Variants in RREB1 observed in about 807,000 individuals in gnomAD.
RREB1 encodes the protein ras responsive element binding protein 1.
A neutral mutation model predicts 117.8 loss-of-function variants in RREB1; 27 were observed. The observed-to-expected ratio is 0.23, with a 90% CI of 0.17 to 0.32. The LOEUF is 0.32. Among genes scored for constraint, RREB1 ranks in the 10% least tolerant of loss-of-function variants. The pLI, the probability that RREB1 is intolerant of heterozygous loss-of-function variation, is 1.00. For synonymous variants in RREB1, 1,298 were observed against 1,026.7 expected, an observed-to-expected ratio of 1.26 and a Z score of -5.05; for missense variants, 2,577 against 2,378.2, an observed-to-expected ratio of 1.08 and a Z score of -1.74.
chr6:7,231,569 G>C lies in RREB1; in HGVS notation c.3470G>C (p.Arg1157Thr), dbSNP rs770163117. Residue 1157 changes from arginine to threonine, a missense_variant, in exon 10 of 13, where the codon AGG becomes ACG. Coordinates refer to ENST00000379938, the MANE Select transcript of RREB1 (RefSeq NM_001003699.4). ...ACGTCGAAGAAGAGGGGCCGGAAAAGGGGGATGAGGAGCCGACCCCGCGCC... is the reference window on the plus strand; with the variant it reads ...ACGTCGAAGAAGAGGGGCCGGAAAACGGGGATGAGGAGCCGACCCCGCGCC... ...AGTSKKRGRK[R>T]GMRSRPRANS... 2.5e-6 allele frequency: 4 copies of C among 1,611,360 alleles called. No individual in the cohort carries two copies. The highest frequency in any genetic ancestry group is 2.2e-5 in the South Asian group (2 of 90,966).
At chr6:7,246,400 C>T (rs1313527441) in intron 11 of RREB1, 24 bp from the exon 12 acceptor site, 1 of 1,458,032 alleles carries the variant, frequency 6.9e-7, no homozygotes, top group Non-Finnish European at 9.1e-7. Flanking sequence ...CCTCTGAGCC[C>T]TCCCCGCTGT....
Position 7,230,146 on chromosome 6 carries a change from A to G in RREB1, c.2047A>G (p.Lys683Glu). Residue 683 changes from lysine to glutamate, a missense_variant, in exon 10 of 13, where the codon AAG becomes GAG. Coordinates refer to ENST00000379938, the MANE Select transcript of RREB1 (RefSeq NM_001003699.4). Reference sequence around the variant, plus strand: ...CATCTGCGACTACATCGCCGCCGACAAGGCCGCGCTCATCCGCCACCTGCG... The same window carrying G: ...CATCTGCGACTACATCGCCGCCGACGAGGCCGCGCTCATCCGCCACCTGCG... ...CNICDYIAADKAALIRHLRTH... is the reference protein window; with the variant it reads ...CNICDYIAADEAALIRHLRTH... 2 of 1,605,264 alleles carry G rather than the reference A, an allele frequency of 1.2e-6. No homozygotes were observed. The highest frequency in any genetic ancestry group is 8.5e-7 in the Non-Finnish European group (1 of 1,178,094).
intron 1 of RREB1, among the ~76,000 whole-genome samples, chr6:7,135,217 T>C (rs921432384): frequency 6.6e-6 from 1 of 152,248 alleles, no homozygotes; most frequent in Admixed American, 6.5e-5. Flanking sequence ...TAGAATTATC[T>C]TCCTTGTGCC....
At chr6:7,124,318 G>A (rs954552139) in intron 1 of RREB1, among the ~76,000 whole-genome samples, 9 of 152,024 alleles carry the variant, frequency 5.9e-5, no homozygotes, top group African/African-American at 2.2e-4. Flanking sequence ...TATTGGGGAG[G>A]CGGTGTGGTT....
chr6:7,170,230 T>C (rs1477291684), intron 1 of RREB1, among the ~76,000 whole-genome samples: 1 of 152,216 alleles, frequency 6.6e-6, no homozygotes. Flanking sequence ...GAATGACCTC[T>C]GATTTTCCTT....
rs144409254 is a variant in RREB1 at position 7,206,530 on chromosome 6, A to G, written c.426-4274A>G. On this transcript the variant is annotated intron_variant, in intron 6 of 12. Coordinates refer to ENST00000379938, the MANE Select transcript of RREB1 (RefSeq NM_001003699.4). ...AGCAGATACTTACTGACCAACACCT[A>G]TGTGCCACCAGGGCTCGTGCAGAGA... Among the ~76,000 whole-genome samples the G allele has an allele frequency of 3.0e-3, 463 of 152,322 alleles. 3 individuals are homozygous for G. Among genetic ancestry groups the G allele is most frequent in the African/African-American group, 0.011 (440 of 41,568 alleles).
chr6:7,227,533 T>G (rs1420236964), intron 9 of RREB1, among the ~76,000 whole-genome samples: 1 of 145,490 alleles, frequency 6.9e-6, no homozygotes, highest in Non-Finnish European at 1.5e-5. Context: ...AGAGCGAGAC[T>G]CCGTCTAAGA....
chr6:7,148,811 T>C (rs1189968728), intron 1 of RREB1, among the ~76,000 whole-genome samples: 1 of 152,208 alleles, frequency 6.6e-6, no homozygotes, highest in Non-Finnish European at 1.5e-5. Flanking sequence ...GAATAAACCT[T>C]TCAGTATAGT....
At chr6:7,190,415 A>G (rs573837504) in intron 6 of RREB1, among the ~76,000 whole-genome samples, 1 of 152,354 alleles carries the variant, frequency 6.6e-6, no homozygotes, top group South Asian at 2.1e-4. Context: ...GGCACAAACT[A>G]AGCACTCAGT....
At chr6:7,109,430 G>A (rs907021735) in intron 1 of RREB1, among the ~76,000 whole-genome samples, 1 of 152,060 alleles carries the variant, frequency 6.6e-6, no homozygotes, top group Non-Finnish European at 1.5e-5. Context: ...CCAAGGGCGC[G>A]TCGAGGATGT....
intron 1 of RREB1, among the ~76,000 whole-genome samples, chr6:7,138,481 G>A (rs1244536572): frequency 6.6e-6 from 1 of 152,198 alleles, no homozygotes; most frequent in Non-Finnish European, 1.5e-5. Flanking sequence ...CCTCAAACTT[G>A]AGCTACCCCA....
chr6:7,108,161 G>A (rs989220077), intron 1 of RREB1, 101 bp downstream of exon 1: 1 of 152,180 alleles, frequency 6.6e-6, no homozygotes, highest in Non-Finnish European at 1.5e-5. Flanking sequence ...GGGATGGGGA[G>A]GGTGAAGTCT....
Position 7,123,744 on chromosome 6 carries a change from G to A in RREB1, c.-285+15684G>A, listed in dbSNP as rs540504797. ...TCCTGCCTCAGCCTCCCGAGTAGCT[G>A]GGACTACAGGCGCCCGCCACCACGC... On this transcript the variant is annotated intron_variant, in intron 1 of 12. Coordinates refer to ENST00000379938, the MANE Select transcript of RREB1 (RefSeq NM_001003699.4). 8.8e-5 allele frequency among the ~76,000 whole-genome samples: 13 copies of A among 147,230 alleles called. No homozygotes were observed. In the East Asian group the frequency reaches 2.7e-3, roughly 30 times the overall value.
intron 8 of RREB1, among the ~76,000 whole-genome samples, chr6:7,222,595 A>G (rs1767329470): frequency 6.6e-6 from 1 of 152,120 alleles, no homozygotes; most frequent in Admixed American, 6.5e-5. Context: ...CAGAAACAGG[A>G]GGGATTTAAG....
At chr6:7,128,310 G>A (rs941886923) in intron 1 of RREB1, among the ~76,000 whole-genome samples, 5 of 152,160 alleles carry the variant, frequency 3.3e-5, no homozygotes, top group African/African-American at 9.7e-5. Context: ...ATTTGAGATT[G>A]TGCAGGAGGA....
At chr6:7,231,951 G>A (rs936705150) in intron 10 of RREB1, 44 bp downstream of exon 10, 1 of 1,529,462 alleles carries the variant, frequency 6.5e-7, no homozygotes, top group Non-Finnish European at 8.8e-7. Context: ...CCTACTTCCT[G>A]GTAGGGGGAG....
At chr6:7,164,408 A>G (rs1763823582) in intron 1 of RREB1, among the ~76,000 whole-genome samples, 1 of 152,202 alleles carries the variant, frequency 6.6e-6, no homozygotes, top group Non-Finnish European at 1.5e-5. Flanking sequence ...GATCTTTTGT[A>G]TCCCAGAAAG....
At position 7,231,228 on chromosome 6, in the gene RREB1, T is replaced by C. The variant is rs762600182; in HGVS notation, c.3129T>C (p.Arg1043=). 5.0e-6 allele frequency: 8 copies of C among 1,612,298 alleles called. No individual in the cohort carries two copies. In the Admixed American group the frequency reaches 5.0e-5, roughly 10 times the overall value. The stretch of plus-strand genomic sequence containing the variant: ...TCCTGAGTGGCACAGCCTTGCTGCG[T>C]CCACTGCGGCCCAAGCCCCCGCTGC... ...SALLSGTALL[R]PLRPKPPLLL... is the part of the protein sequence containing the mutation. The change falls in exon 10 of 13, where the codon CGT becomes CGC. Residue 1043 remains arginine (R), a synonymous_variant. Transcript: ENST00000379938.
At chr6:7,129,988 A>G (rs2113348610) in intron 1 of RREB1, among the ~76,000 whole-genome samples, 1 of 152,324 alleles carries the variant, frequency 6.6e-6, no homozygotes, top group Middle Eastern at 3.4e-3. Context: ...CACCTGGCCC[A>G]GAGCACCGTG....
Sources: allele counts gnomAD v4.1 joint callset (sites outside exome capture counted in the v4.1 genomes callset), GRCh38; gene constraint gnomAD v4.1.1; transcripts MANE v1.5; gene names NCBI Gene and HGNC (gene_info 2026-07-23, HGNC 2026-07-21).